Variants in PKIB observed in about 807,000 individuals in gnomAD.
PKIB encodes cAMP-dependent protein kinase inhibitor beta.
Under a neutral mutation model 4.5 loss-of-function variants are expected in PKIB, and 2 were observed. The observed-to-expected ratio is 0.44, with a 90% confidence interval of 0.18 to 1.39. The LOEUF is 1.39. PKIB is among the 40% of genes most tolerant of loss of function. The probability of loss-of-function intolerance (pLI) is 0.27; values close to 1 mark genes in which losing one functional copy is unlikely to be tolerated. For synonymous variants in PKIB, 38 were observed against 36.0 expected, an observed-to-expected ratio of 1.06 and a Z score of -0.20; for missense variants, 94 against 92.6, an observed-to-expected ratio of 1.02 and a Z score of -0.06.
intron 3 of PKIB, among the ~76,000 whole-genome samples, chr6:122,713,813 C>T (rs1353894392): frequency 6.6e-6 from 1 of 152,022 alleles, no homozygotes; most frequent in Non-Finnish European, 1.5e-5. Context: ...TAATATTTTC[C>T]TTGTTCTACC....
At chr6:122,534,460 C>A (rs1777346605) in intron 2 of PKIB, among the ~76,000 whole-genome samples, 1 of 151,982 alleles carries the variant, frequency 6.6e-6, no homozygotes, top group Admixed American at 6.6e-5. Context: ...TTCTGAGTAT[C>A]CAGCGTAAAA....
chr6:122,678,199 A>G, intron 3 of PKIB, among the ~76,000 whole-genome samples: 1 of 152,102 alleles, frequency 6.6e-6, no homozygotes, highest in East Asian at 1.9e-4. Flanking sequence ...CAGCTTTTCT[A>G]GTGCTGACTT....
At chr6:122,693,976 A>G (rs946168644) in intron 3 of PKIB, among the ~76,000 whole-genome samples, 1 of 152,226 alleles carries the variant, frequency 6.6e-6, no homozygotes, top group South Asian at 2.1e-4. Context: ...TTAATTTACT[A>G]CAAGGCAATT....
intron 3 of PKIB, among the ~76,000 whole-genome samples, chr6:122,716,552 T>G (rs927483220): frequency 1.6e-4 from 25 of 152,178 alleles, no homozygotes; most frequent in Non-Finnish European, 3.4e-4. Context: ...GACTCTTTTT[T>G]GGGCAATTCC....
chr6:122,721,249 G>A (rs1303104347), intron 4 of PKIB, among the ~76,000 whole-genome samples: 1 of 152,162 alleles, frequency 6.6e-6, no homozygotes, highest in Non-Finnish European at 1.5e-5. Flanking sequence ...ATAATAGAAT[G>A]TCTGGTTCCA....
chr6:122,472,982 C>T (rs903786053), intron 1 of PKIB, among the ~76,000 whole-genome samples: 1 of 151,976 alleles, frequency 6.6e-6, no homozygotes, highest in Non-Finnish European at 1.5e-5. Context: ...CATGGTGGCA[C>T]GCGCATGTAA....
At chr6:122,620,292 A>C (rs1775171009) in intron 1 of PKIB, among the ~76,000 whole-genome samples, 1 of 152,118 alleles carries the variant, frequency 6.6e-6, no homozygotes, top group Admixed American at 6.5e-5. Flanking sequence ...TCCTATGTAC[A>C]TCCAATATCG....
At chr6:122,472,118 T>A (rs945053695) in intron 1 of PKIB, 2 of 200,282 alleles carry the variant, frequency 1.0e-5, no homozygotes, top group African/African-American at 4.7e-5. Flanking sequence ...AGGTGGTGGT[T>A]GACGTTTTGC....
At chr6:122,713,949 T>A (rs1469792950) in intron 3 of PKIB, among the ~76,000 whole-genome samples, 1 of 152,224 alleles carries the variant, frequency 6.6e-6, no homozygotes, top group Non-Finnish European at 1.5e-5. Flanking sequence ...AGTGTGTCAG[T>A]GGATCTAATA....
At chr6:122,646,065 G>A (rs1776303584) in intron 2 of PKIB, among the ~76,000 whole-genome samples, 1 of 152,100 alleles carries the variant, frequency 6.6e-6, no homozygotes, top group Middle Eastern at 3.4e-3. Context: ...AGTGAAGCAC[G>A]CAATATGGAG....
chr6:122,717,966 A>G lies in PKIB; in HGVS notation c.169+3A>G, dbSNP rs1779570215. On this transcript the variant is annotated splice_donor_region_variant and intron_variant, in intron 4 of 4. Coordinates refer to ENST00000368452, the MANE Select transcript of PKIB (RefSeq NM_181795.3). Reference sequence around the variant, plus strand: ...GGAGGCTCTCTCCGTGAAGGAAGGTAATACTCAAAATCCTCTTACAATTAA... The same window carrying G: ...GGAGGCTCTCTCCGTGAAGGAAGGTGATACTCAAAATCCTCTTACAATTAA... 1 of 1,610,838 alleles carries G rather than the reference A, an allele frequency of 6.2e-7. No homozygotes were observed. The highest frequency in any genetic ancestry group is 1.3e-5 in the African/African-American group (1 of 74,868).
chr6:122,709,842 A>G (rs965769494), intron 3 of PKIB, among the ~76,000 whole-genome samples: 10 of 152,178 alleles, frequency 6.6e-5, no homozygotes, highest in Admixed American at 1.3e-4. Flanking sequence ...TGAGGGTCGT[A>G]CTGTATGAGT....
intron 3 of PKIB, among the ~76,000 whole-genome samples, chr6:122,594,643 C>T (rs1467853833): frequency 1.3e-5 from 2 of 152,234 alleles, no homozygotes; most frequent in Admixed American, 6.5e-5. Flanking sequence ...CCTTCTTCTA[C>T]TACCCATTCT....
intron 2 of PKIB, among the ~76,000 whole-genome samples, chr6:122,662,308 C>CATTTTTTTTTTT (rs1491515725): frequency 3.8e-4 from 5 of 13,250 alleles, no homozygotes; most frequent in Non-Finnish European, 7.5e-4. Context: ...TCCTTGTCTC[C>CATTTTTTTTTTT]TTTTTTTTTT....
At chr6:122,626,141 A>C (rs1211083605) in intron 1 of PKIB, among the ~76,000 whole-genome samples, 1 of 152,154 alleles carries the variant, frequency 6.6e-6, no homozygotes, top group African/African-American at 2.4e-5. Context: ...ATAGTAGGTA[A>C]ATCAGTTGAA....
intron 2 of PKIB, among the ~76,000 whole-genome samples, chr6:122,511,214 C>T (rs1002034010): frequency 3.3e-5 from 5 of 152,068 alleles, no homozygotes; most frequent in African/African-American, 9.7e-5. Flanking sequence ...TTTTAAGGTC[C>T]TCTTCAACTC....
chr6:122,709,261 G>A (rs1053055411), intron 3 of PKIB, among the ~76,000 whole-genome samples: 2 of 152,112 alleles, frequency 1.3e-5, no homozygotes, highest in African/African-American at 2.4e-5. Flanking sequence ...ACTTTTAGGC[G>A]ACCAAACTTC....
intron 2 of PKIB, among the ~76,000 whole-genome samples, chr6:122,662,435 C>A (rs1777045471): frequency 6.8e-6 from 1 of 148,004 alleles, no homozygotes. Context: ...TCTGTCTCAG[C>A]CTCCCAAGTA....
chr6:122,487,376 C>G (rs1229468457), intron 2 of PKIB, among the ~76,000 whole-genome samples: 2 of 152,068 alleles, frequency 1.3e-5, no homozygotes, highest in South Asian at 4.1e-4. Context: ...TTAGATTCAG[C>G]TTGTTATGTT....
Sources: gnomAD v4.1 joint callset for allele counts (sites outside exome capture counted in the v4.1 genomes callset) on GRCh38, gnomAD v4.1.1 for gene constraint, MANE v1.5 for transcripts, NCBI Gene and HGNC (gene_info 2026-07-23, HGNC 2026-07-21) for gene names.